NRXN1: variants seen among roughly 807,000 people sequenced by gnomAD.
NRXN1 encodes neurexin 1, also known as neurexin-1.
NRXN1 carries 39 observed loss-of-function variants against 150.9 expected under a neutral mutation model. The observed-to-expected ratio is 0.26, with a 90% confidence interval of 0.20 to 0.34. The LOEUF is 0.34. NRXN1 is among the 10% of genes least tolerant of loss of function. NRXN1 has a pLI of 1.00. For synonymous variants in NRXN1, 924 were observed against 757.0 expected, an observed-to-expected ratio of 1.22 and a Z score of -3.62; for missense variants, 1,815 against 1,949.9, an observed-to-expected ratio of 0.93 and a Z score of 1.30.
At chr2:50,517,222 T>A (rs1247231794) in intron 12 of NRXN1, among the ~76,000 whole-genome samples, 1 of 152,130 alleles carries the variant, frequency 6.6e-6, no homozygotes, top group Non-Finnish European at 1.5e-5. Context: ...CTTACCATAA[T>A]CTGATTTATG....
At chr2:50,935,653 G>A (rs1164876791) in intron 2 of NRXN1, among the ~76,000 whole-genome samples, 1 of 152,034 alleles carries the variant, frequency 6.6e-6, no homozygotes, top group African/African-American at 2.4e-5. Context: ...CTTGAATCTG[G>A]GAGGCGGAGG....
intron 22 of NRXN1, among the ~76,000 whole-genome samples, chr2:49,939,369 G>A (rs921380057): frequency 6.6e-6 from 1 of 152,204 alleles, no homozygotes; most frequent in African/African-American, 2.4e-5. Context: ...GTTACCAATA[G>A]CTGGTTCAGG....
chr2:50,707,307 C>T (rs1574182269), intron 5 of NRXN1, among the ~76,000 whole-genome samples: 1 of 152,122 alleles, frequency 6.6e-6, no homozygotes, highest in Non-Finnish European at 1.5e-5. Context: ...GTTAGCCCCT[C>T]GCACATTTAC....
chr2:50,598,089 A>G (rs1284111212), intron 8 of NRXN1, among the ~76,000 whole-genome samples: 3 of 152,238 alleles, frequency 2.0e-5, no homozygotes, highest in East Asian at 3.9e-4. Context: ...CAGTGAGCCA[A>G]GATGTGCCAT....
chr2:49,984,718 A>ACAC (rs1680601343), intron 21 of NRXN1, among the ~76,000 whole-genome samples: 2 of 146,844 alleles, frequency 1.4e-5, no homozygotes, highest in African/African-American at 5.0e-5. Flanking sequence ...AGAACACACA[A>ACAC]ACACACACAC....
intron 8 of NRXN1, among the ~76,000 whole-genome samples, chr2:50,592,462 G>C (rs1330151471): frequency 1.3e-5 from 2 of 152,204 alleles, no homozygotes; most frequent in African/African-American, 2.4e-5. Context: ...TGAGCTGAGA[G>C]ACAGTCCCTC....
intron 18 of NRXN1, among the ~76,000 whole-genome samples, chr2:50,122,632 A>G (rs1364440223): frequency 6.6e-6 from 1 of 152,260 alleles, no homozygotes; most frequent in Non-Finnish European, 1.5e-5. Flanking sequence ...TGCTTGTCTC[A>G]GTGTGTTCCA....
intron 17 of NRXN1, among the ~76,000 whole-genome samples, chr2:50,450,623 A>G (rs751342116): frequency 6.6e-6 from 1 of 152,112 alleles, no homozygotes; most frequent in Non-Finnish European, 1.5e-5. Flanking sequence ...TATGTTCCTA[A>G]TATACAGAGT....
At chr2:50,180,585 G>T (rs2060644781) in intron 18 of NRXN1, among the ~76,000 whole-genome samples, 1 of 152,022 alleles carries the variant, frequency 6.6e-6, no homozygotes, top group South Asian at 2.1e-4. Flanking sequence ...GAAGGGTTCT[G>T]CCCCTCTGCT....
chr2:50,812,723 A>AGTGTGTGT (rs143701404), intron 5 of NRXN1, among the ~76,000 whole-genome samples: 135 of 146,050 alleles, frequency 9.2e-4, no homozygotes, highest in Admixed American at 2.6e-3. Flanking sequence ...AAATAATAAG[A>AGTGTGTGT]GTGTGTGTGT....
At chr2:50,486,823 C>A (rs932372483) in intron 15 of NRXN1, among the ~76,000 whole-genome samples, 60 of 152,116 alleles carry the variant, frequency 3.9e-4, no homozygotes, top group Admixed American at 3.4e-3. Context: ...ATATTGCCAA[C>A]ACCTGTCAGA....
chr2:49,931,134 C>G (rs1259823723), intron 22 of NRXN1, among the ~76,000 whole-genome samples: 1 of 152,062 alleles, frequency 6.6e-6, no homozygotes, highest in Non-Finnish European at 1.5e-5. Flanking sequence ...AGTGAGAGAC[C>G]TTTGATTTTA....
intron 17 of NRXN1, among the ~76,000 whole-genome samples, chr2:50,436,970 A>G (rs763321430): frequency 2.8e-4 from 42 of 152,144 alleles, no homozygotes; most frequent in Non-Finnish European, 5.3e-4. Context: ...TCCAAACTGT[A>G]GCCTCTTTAC....
chr2:50,215,686 T>C (rs137951025), intron 18 of NRXN1, among the ~76,000 whole-genome samples: 2 of 152,108 alleles, frequency 1.3e-5, no homozygotes, highest in East Asian at 3.9e-4. Flanking sequence ...CTATTAACTT[T>C]AAAACAATAT....
At chr2:50,959,225 G>A (rs1692758573) in intron 2 of NRXN1, among the ~76,000 whole-genome samples, 1 of 151,934 alleles carries the variant, frequency 6.6e-6, no homozygotes, top group Non-Finnish European at 1.5e-5. Context: ...TAAATATACA[G>A]TTACCACATG....
At chr2:50,163,498 G>A (rs1440164199) in intron 18 of NRXN1, among the ~76,000 whole-genome samples, 1 of 152,056 alleles carries the variant, frequency 6.6e-6, no homozygotes, top group African/African-American at 2.4e-5. Context: ...TGCTAACACA[G>A]TTTCTATTTT....
intron 5 of NRXN1, among the ~76,000 whole-genome samples, chr2:50,822,240 G>T (rs1295830290): frequency 3.3e-5 from 5 of 152,024 alleles, no homozygotes; most frequent in Non-Finnish European, 5.9e-5. Context: ...AATAAATATA[G>T]CTTTCCGTTT....
At chr2:50,125,370 G>T (rs1044802784) in intron 18 of NRXN1, among the ~76,000 whole-genome samples, 2 of 152,098 alleles carry the variant, frequency 1.3e-5, no homozygotes, top group African/African-American at 4.8e-5. Context: ...TAGTAACACA[G>T]AAATGTATTT....
chr2:50,598,546 ATG>A (rs1172385362), intron 8 of NRXN1, among the ~76,000 whole-genome samples: 1 of 143,562 alleles, frequency 7.0e-6, no homozygotes, highest in African/African-American at 2.6e-5. Context: ...TCTCCTATAT[ATG>A]TGTGTATATA....
Sources: gnomAD v4.1 joint callset for allele counts (sites outside exome capture counted in the v4.1 genomes callset) on GRCh38, gnomAD v4.1.1 for gene constraint, MANE v1.5 for transcripts, NCBI Gene and HGNC (gene_info 2026-07-23, HGNC 2026-07-21) for gene names.